The following SPAG6 variants were observed in gnomAD, a reference collection of about 807,000 sequenced individuals.
SPAG6 encodes sperm-associated antigen 6.
In SPAG6, 49 loss-of-function variants were observed where a neutral mutation model predicts 58.5. The observed-to-expected ratio is 0.84, with a 90% CI of 0.67 to 1.06. SPAG6 has a LOEUF of 1.06. SPAG6 is among the 50% of genes least tolerant of loss of function. The pLI, the probability that SPAG6 is intolerant of heterozygous loss-of-function variation, is 0.00. For missense variants in SPAG6, 560 were observed against 611.3 expected, an observed-to-expected ratio of 0.92 and a Z score of 0.89; for synonymous variants, 233 against 225.6, an observed-to-expected ratio of 1.03 and a Z score of -0.29.
At chr10:22,357,955 G>A (rs529087458) in intron 2 of SPAG6, among the ~76,000 whole-genome samples, 4 of 152,100 alleles carry the variant, frequency 2.6e-5, no homozygotes, top group South Asian at 2.1e-4. Context: ...TGGTGTATAT[G>A]TGCCACATTT....
At chr10:22,369,159 G>A (rs1837277154) in intron 4 of SPAG6, among the ~76,000 whole-genome samples, 1 of 152,138 alleles carries the variant, frequency 6.6e-6, no homozygotes, top group South Asian at 2.1e-4. Flanking sequence ...GAGTGATGTT[G>A]AGGAGATATG....
intron 6 of SPAG6, among the ~76,000 whole-genome samples, chr10:22,388,338 C>T (rs1834113903): frequency 6.6e-6 from 1 of 152,116 alleles, no homozygotes; most frequent in African/African-American, 2.4e-5. Flanking sequence ...GTTATATTAG[C>T]AGAGTTTGAG....
chr10:22,407,666 T>G (rs1834594261), intron 9 of SPAG6, among the ~76,000 whole-genome samples: 1 of 152,178 alleles, frequency 6.6e-6, no homozygotes, highest in African/African-American at 2.4e-5. Flanking sequence ...CTGTATTTCC[T>G]GAATCTCAAT....
In SPAG6 at chr10:22,389,320, C is replaced by G. The variant is rs374305936; in HGVS notation, c.1005+8C>G. The G allele has an allele frequency of 6.2e-7, 1 of 1,608,742 alleles. No homozygotes were observed. The highest frequency in any genetic ancestry group is 1.3e-5 in the African/African-American group (1 of 74,774). The stretch of plus-strand genomic sequence containing the variant: ...GCAGTCATCATTTCTAAGGTTTGTT[C>G]TTGCTTCGTTTTCTTCCAGTTGCAG... On this transcript the variant is annotated splice_region_variant and intron_variant, in intron 7 of 10. Transcript: ENST00000376624.
chr10:22,415,121 A>G (rs1449260050), intron 10 of SPAG6, among the ~76,000 whole-genome samples: 1 of 152,106 alleles, frequency 6.6e-6, no homozygotes, highest in East Asian at 1.9e-4. Flanking sequence ...CAGTCTACAT[A>G]TAGCTGGTGG....
At chr10:22,406,089 C>G (rs1419511156) in intron 9 of SPAG6, among the ~76,000 whole-genome samples, 1 of 152,164 alleles carries the variant, frequency 6.6e-6, no homozygotes, top group Admixed American at 6.5e-5. Context: ...AAAAAACCAG[C>G]TCCTGGATTC....
chr10:22,388,240 C>T (rs562489036), intron 6 of SPAG6, among the ~76,000 whole-genome samples: 15 of 152,000 alleles, frequency 9.9e-5, no homozygotes, highest in Non-Finnish European at 2.1e-4. Flanking sequence ...AAGCACCCTT[C>T]TCCCGCAAGT....
intron 4 of SPAG6, among the ~76,000 whole-genome samples, chr10:22,369,607 T>A (rs1463156577): frequency 1.3e-5 from 2 of 152,202 alleles, no homozygotes; most frequent in Admixed American, 1.3e-4. Context: ...ATTTAGTTGC[T>A]GTGTGACCTC....
intron 4 of SPAG6, among the ~76,000 whole-genome samples, chr10:22,383,700 G>A (rs1284323625): frequency 6.6e-6 from 1 of 151,708 alleles, no homozygotes; most frequent in Non-Finnish European, 1.5e-5. Context: ...AAGGAAGGTT[G>A]GAAGCACTTC....
chr10:22,348,002 C>CTTTCTTTTGTT (rs149307597), intron 2 of SPAG6, among the ~76,000 whole-genome samples: 1 of 151,756 alleles, frequency 6.6e-6, no homozygotes, highest in African/African-American at 2.4e-5. Flanking sequence ...ACTTTTCTTT[C>CTTTCTTTTGTT]TTTCTTTGAG....
At chr10:22,346,500 C>CT (rs1490133051) in intron 2 of SPAG6, among the ~76,000 whole-genome samples, 59 of 111,100 alleles carry the variant, frequency 5.3e-4, no homozygotes, top group African/African-American at 1.5e-3. Context: ...CTTCTTCTTT[C>CT]TTCTTCTTCT....
intron 2 of SPAG6, among the ~76,000 whole-genome samples, chr10:22,361,598 AG>A: frequency 6.6e-6 from 1 of 152,270 alleles, no homozygotes; most frequent in East Asian, 1.9e-4. Context: ...TAAATGGCTG[AG>A]GCAGAAGAAT....
At position 22,345,497 on chromosome 10, in the gene SPAG6, G is replaced by A. The variant is rs1836491662; in HGVS notation, c.-115G>A. On this transcript the variant is annotated 5_prime_UTR_variant, in exon 1 of 11. Coordinates refer to ENST00000376624, the MANE Select transcript of SPAG6 (RefSeq NM_012443.4). The surrounding 1 kb of genome is among the most constrained non-coding windows in gnomAD (Gnocchi z 6.3). ...GTTGCCCGGGAGACGCGGGTACACA[G>A]AGAAGCGGCTCCCGTCGGAGGCCGA... is the stretch of plus-strand genomic sequence containing the variant. 7 of 876,260 alleles carry A rather than the reference G, an allele frequency of 8.0e-6. No homozygotes were observed. In the South Asian group the frequency reaches 1.2e-4, roughly 15 times the overall value. The allele number at this position is 876,260 out of a possible 1,614,324, so 54.3% of individuals were successfully genotyped here.
At chr10:22,394,433 T>A (rs1834247052) in intron 8 of SPAG6, among the ~76,000 whole-genome samples, 1 of 152,212 alleles carries the variant, frequency 6.6e-6, no homozygotes, top group South Asian at 2.1e-4. Flanking sequence ...GTAATAGTTG[T>A]TCCCCCTTCA....
rs923447902 is a variant in SPAG6, at chr10:22,394,101, T to C, written c.1197+2181T>C. The stretch of plus-strand genomic sequence containing the variant: ...TTAAATTGGGTTACTTATCTTTTTA[T>C]TATTGAATTGTAAGAGTTCTTTGTA... On this transcript the variant is annotated intron_variant, in intron 8 of 10. Transcript: ENST00000376624. Among the ~76,000 whole-genome samples, 6 of 152,228 alleles carry C rather than the reference T, an allele frequency of 3.9e-5. No individual in the cohort carries two copies. In the South Asian group the frequency reaches 8.3e-4, roughly 21 times the overall value.
chr10:22,364,366 T>C (rs1270446095), intron 2 of SPAG6, among the ~76,000 whole-genome samples: 1 of 152,248 alleles, frequency 6.6e-6, no homozygotes, highest in Non-Finnish European at 1.5e-5. Context: ...ATACCTACTA[T>C]GCATTCAACC....
intron 10 of SPAG6, among the ~76,000 whole-genome samples, chr10:22,415,505 G>T (rs1397486881): frequency 6.6e-6 from 1 of 152,088 alleles, no homozygotes; most frequent in Non-Finnish European, 1.5e-5. Context: ...AAGAGTAAGA[G>T]GCTGTTAGGG....
chr10:22,350,603 G>C (rs1836697860), intron 2 of SPAG6, among the ~76,000 whole-genome samples: 1 of 152,122 alleles, frequency 6.6e-6, no homozygotes, highest in South Asian at 2.1e-4. Context: ...GAGGTTTCAG[G>C]ACCTTTGCAC....
chr10:22,409,369 T>C (rs372480023), intron 9 of SPAG6, among the ~76,000 whole-genome samples: 2 of 152,246 alleles, frequency 1.3e-5, no homozygotes, highest in Non-Finnish European at 2.9e-5. Flanking sequence ...AGCTGATTTA[T>C]ATTATTGCTC....
Sources: gnomAD v4.1 joint callset for allele counts (sites outside exome capture counted in the v4.1 genomes callset) on GRCh38, gnomAD v4.1.1 for gene constraint, Gnocchi (gnomAD v3.1) non-coding constraint, MANE v1.5 for transcripts, NCBI Gene and HGNC (gene_info 2026-07-23, HGNC 2026-07-21) for gene names.